Variants in DIAPH2 observed in about 807,000 individuals in gnomAD.
The protein encoded by DIAPH2 is diaphanous related formin 2.
Under a neutral mutation model 92.7 loss-of-function variants are expected in DIAPH2, and 35 were observed. The ratio of observed to expected loss-of-function variants is 0.38; its 90% CI spans 0.29 to 0.50. DIAPH2 has a LOEUF of 0.50. DIAPH2 is among the 20% of genes least tolerant of loss of function. The probability of loss-of-function intolerance (pLI) is 0.94; values close to 1 mark genes in which losing one functional copy is unlikely to be tolerated. For synonymous variants in DIAPH2, 301 were observed against 280.4 expected, an observed-to-expected ratio of 1.07 and a Z score of -0.73; for missense variants, 701 against 819.5, an observed-to-expected ratio of 0.86 and a Z score of 1.77.
intron 22 of DIAPH2, among the ~76,000 whole-genome samples, chrX:97,190,244 G>A (rs948111564): frequency 1.5e-4 from 17 of 112,375 alleles, no homozygotes; most frequent in African/African-American, 5.5e-4. Context: ...TTGAATGATA[G>A]AGGTTTTTAG....
rs373456725 is a variant in DIAPH2 at position 97,089,739 on chromosome X, T to A, written c.2248-9955T>A. Among the ~76,000 whole-genome samples the A allele has an allele frequency of 2.3e-4, 26 of 110,731 alleles. No individual in the cohort carries two copies. The East Asian group carries it at 4.0e-3, about 17-fold the overall frequency. On this transcript the variant is annotated intron_variant, in intron 19 of 26. Transcript: ENST00000324765. ...ATAATCAATTATTTTATTTTATTTT[T>A]TTTTTGGAGACAGAGTCTTGCTCTG...
intron 22 of DIAPH2, among the ~76,000 whole-genome samples, chrX:97,178,443 C>CTTTTTTTTTT (rs766983375): frequency 5.9e-5 from 4 of 67,261 alleles, no homozygotes; most frequent in Middle Eastern, 8.4e-3. Flanking sequence ...CTATATTTCT[C>CTTTTTTTTTT]TTTTTTTTTT....
At chrX:96,830,596 AATGAGC>A (rs2064847619) in intron 4 of DIAPH2, among the ~76,000 whole-genome samples, 2 of 101,471 alleles carry the variant, frequency 2.0e-5, no homozygotes, top group East Asian at 2.9e-4. Context: ...AAAAAAAAAA[AATGAGC>A]AAATGAAAAC....
chrX:96,955,074 C>T (rs1013720490), intron 15 of DIAPH2, among the ~76,000 whole-genome samples: 4 of 111,827 alleles, frequency 3.6e-5, no homozygotes, highest in African/African-American at 9.8e-5. Context: ...TGTATTAGTC[C>T]GTTCTCACAC....
chrX:96,884,565 G>A, intron 5 of DIAPH2: 3 of 1,210,995 alleles, frequency 2.5e-6, no homozygotes, highest in Non-Finnish European at 2.2e-6. Context: ...GGGCAGAGAA[G>A]GCTTCAAATC....
intron 26 of DIAPH2, among the ~76,000 whole-genome samples, chrX:97,454,217 C>T (rs1300554825): frequency 4.5e-5 from 5 of 111,058 alleles, no homozygotes; most frequent in Non-Finnish European, 9.4e-5. Context: ...AAACAGCATA[C>T]ATACCAGGAT....
intron 4 of DIAPH2, among the ~76,000 whole-genome samples, chrX:96,858,777 C>T (rs905420957): frequency 1.8e-5 from 2 of 111,932 alleles, no homozygotes; most frequent in African/African-American, 6.5e-5. Flanking sequence ...AGCCTGCAGA[C>T]AGTAGGTGTC....
chrX:97,015,506 C>T (rs984176384), intron 17 of DIAPH2, among the ~76,000 whole-genome samples: 2 of 111,436 alleles, frequency 1.8e-5, no homozygotes, highest in African/African-American at 6.5e-5. Flanking sequence ...TTCCAAGCTT[C>T]TTATAGTAGC....
chrX:96,799,664 C>T lies in DIAPH2; in HGVS notation c.447+41406C>T, dbSNP rs377050353. 5.6e-3 allele frequency among the ~76,000 whole-genome samples: 617 copies of T among 110,124 alleles called. 9 individuals carry two copies. Among genetic ancestry groups the T allele is most frequent in the African/African-American group, 0.02 (594 of 30,329 alleles). ...CTCTATTAAAAATACAAAAATTAGC[C>T]GGGCATCGTGGCGCGTGCCTGTAGA... is the stretch of plus-strand genomic sequence containing the variant. On this transcript the variant is annotated intron_variant, in intron 4 of 26. Coordinates refer to ENST00000324765, the MANE Select transcript of DIAPH2 (RefSeq NM_006729.5).
intron 22 of DIAPH2, among the ~76,000 whole-genome samples, chrX:97,166,478 G>T (rs2067413429): frequency 9.0e-6 from 1 of 111,207 alleles, no homozygotes; most frequent in African/African-American, 3.3e-5. Flanking sequence ...TGCATAAATG[G>T]GCAAATGAAA....
intron 26 of DIAPH2, among the ~76,000 whole-genome samples, chrX:97,438,354 T>TG (rs2070213223): frequency 2.3e-5 from 2 of 86,369 alleles, no homozygotes; most frequent in African/African-American, 4.5e-5. Flanking sequence ...TTTTTTTGTT[T>TG]GTTTGTTTTT....
chrX:97,358,213 G>T (rs1387597728), intron 24 of DIAPH2, among the ~76,000 whole-genome samples: 1 of 112,077 alleles, frequency 8.9e-6, no homozygotes, highest in Non-Finnish European at 1.9e-5. Context: ...TAGGGCAAAA[G>T]CAACTGCTTA....
chrX:96,776,359 C>A (rs1283092708), intron 4 of DIAPH2, among the ~76,000 whole-genome samples: 1 of 109,475 alleles, frequency 9.1e-6, no homozygotes, highest in African/African-American at 3.3e-5. Context: ...TACAGGTGTG[C>A]GCCACCACAC....
chrX:97,230,468 C>A (rs1334876313), intron 22 of DIAPH2, among the ~76,000 whole-genome samples: 1 of 112,058 alleles, frequency 8.9e-6, no homozygotes, highest in Non-Finnish European at 1.9e-5. Flanking sequence ...CTGCCAAGCA[C>A]AATTTTCTTA....
chrX:96,699,313 C>T (rs936561564), intron 1 of DIAPH2, among the ~76,000 whole-genome samples: 6 of 111,862 alleles, frequency 5.4e-5, no homozygotes, highest in Non-Finnish European at 9.4e-5. Context: ...CTTCGTGTTA[C>T]GGATAAATAT....
intron 26 of DIAPH2, among the ~76,000 whole-genome samples, chrX:97,577,559 T>C (rs774734635): frequency 6.3e-5 from 7 of 111,474 alleles, no homozygotes; most frequent in Non-Finnish European, 1.3e-4. Flanking sequence ...GAAGGTGGGA[T>C]TTGAGTTGGG....
At chrX:97,023,320 G>C (rs181195655) in intron 17 of DIAPH2, among the ~76,000 whole-genome samples, 12 of 110,740 alleles carry the variant, frequency 1.1e-4, no homozygotes, top group African/African-American at 3.0e-4. Flanking sequence ...GTATCATTCT[G>C]TACACCTATG....
At chrX:97,373,638 G>A (rs1477405919) in intron 24 of DIAPH2, among the ~76,000 whole-genome samples, 1 of 83,876 alleles carries the variant, frequency 1.2e-5, no homozygotes, top group Non-Finnish European at 2.3e-5. Context: ...ACGGAGTTTC[G>A]CTCTTGTTGC....
At chrX:97,332,271 T>C (rs1338127030) in intron 23 of DIAPH2, among the ~76,000 whole-genome samples, 1 of 112,128 alleles carries the variant, frequency 8.9e-6, no homozygotes, top group Non-Finnish European at 1.9e-5. Flanking sequence ...TTGCTTTATT[T>C]TGTATCTGCT....
Sources: gnomAD v4.1 joint callset for allele counts (sites outside exome capture counted in the v4.1 genomes callset) on GRCh38, gnomAD v4.1.1 for gene constraint, MANE v1.5 for transcripts, NCBI Gene and HGNC (gene_info 2026-07-23, HGNC 2026-07-21) for gene names.